IL17F: variants seen among roughly 807,000 people sequenced by gnomAD.
IL17F encodes the protein interleukin 17F.
Under a neutral mutation model 8.3 loss-of-function variants are expected in IL17F, and 6 were observed. The observed-to-expected ratio is 0.73, with a 90% confidence interval of 0.40 to 1.43. The LOEUF (loss-of-function observed/expected upper bound fraction) is 1.43, where lower values mean the gene tolerates loss of function less well. IL17F is among the 40% of genes most tolerant of loss of function. The pLI is 0.02. For synonymous variants in IL17F, 98 were observed against 81.6 expected (o/e 1.20, Z -1.08); for missense variants, 204 against 209.6 (o/e 0.97, Z 0.17).
intron 1 of IL17F, chr6:52,239,306 GA>G (rs1764027421): frequency 3.7e-6 from 1 of 269,740 alleles, no homozygotes; most frequent in Admixed American, 4.8e-5. Flanking sequence ...CACTTTATGA[GA>G]CTACTAATGA....
intron 1 of IL17F, among the ~76,000 whole-genome samples, chr6:52,240,373 G>A (rs979881485): frequency 2.0e-5 from 3 of 148,864 alleles, no homozygotes; most frequent in Admixed American, 1.4e-4. Flanking sequence ...GGAGGTGGAG[G>A]TTGCAGTGAG....
chr6:52,238,263 A>G (rs1764005413), intron 2 of IL17F, among the ~76,000 whole-genome samples: 1 of 152,200 alleles, frequency 6.6e-6, no homozygotes, highest in Non-Finnish European at 1.5e-5. Flanking sequence ...GCCAAATTAC[A>G]AGACTGTACC....
At chr6:52,238,370 C>T (rs1764007455) in intron 2 of IL17F, among the ~76,000 whole-genome samples, 1 of 152,242 alleles carries the variant, frequency 6.6e-6, no homozygotes, top group African/African-American at 2.4e-5. Context: ...GAGTGAATCT[C>T]CTTAAACCGA....
intron 1 of IL17F, among the ~76,000 whole-genome samples, chr6:52,243,916 C>T (rs1764114448): frequency 6.6e-6 from 1 of 152,330 alleles, no homozygotes; most frequent in African/African-American, 2.4e-5. Flanking sequence ...GCAACTGACC[C>T]ATGCCCAGCT....
At chr6:52,241,391 T>A (rs1205156267) in intron 1 of IL17F, among the ~76,000 whole-genome samples, 1 of 152,116 alleles carries the variant, frequency 6.6e-6, no homozygotes, top group East Asian at 1.9e-4. Context: ...TATGACTTTT[T>A]TTTTAAAAGA....
intron 2 of IL17F, 37 bp from the exon 3 acceptor site, chr6:52,237,205 AT>A: frequency 6.6e-7 from 1 of 1,512,882 alleles, no homozygotes; most frequent in Non-Finnish European, 9.2e-7. Flanking sequence ...ATGGTGAGGC[AT>A]GGGGGAGGAA....
chr6:52,244,321 C>T (rs572076995), intron 1 of IL17F, 76 bp downstream of exon 1: 1 of 1,410,384 alleles, frequency 7.1e-7, no homozygotes, highest in African/African-American at 1.4e-5. Flanking sequence ...CCCAATCAAA[C>T]CTAATTCCTT....
At chr6:52,242,710 T>G (rs893413675) in intron 1 of IL17F, among the ~76,000 whole-genome samples, 1 of 152,244 alleles carries the variant, frequency 6.6e-6, no homozygotes, top group Non-Finnish European at 1.5e-5. Flanking sequence ...TAATTGAGCT[T>G]TTGTTCATCT....
chr6:52,244,856 C>T (rs532487743), upstream of IL17F, among the ~76,000 whole-genome samples: 9 of 152,296 alleles, frequency 5.9e-5, no homozygotes, highest in South Asian at 1.0e-3. Flanking sequence ...TTTCCAGTCA[C>T]GCAATATGAA....
At chr6:52,238,659 T>C (rs1764010996) in intron 2 of IL17F, 71 bp downstream of exon 2, 3 of 1,301,244 alleles carry the variant, frequency 2.3e-6, no homozygotes, top group Non-Finnish European at 3.3e-6. Flanking sequence ...TTCTACATTT[T>C]CTACTTTATG....
Position 52,237,153 on chromosome 6 carries a change from G to A in IL17F, c.270C>T (p.Pro90=), listed in dbSNP as rs746645424. 1.7e-5 allele frequency: 27 copies of A among 1,613,884 alleles called. No individual in the cohort carries two copies. Among genetic ancestry groups the A allele is most frequent in the Non-Finnish European group, 2.2e-5 (26 of 1,179,898 alleles). The change falls in exon 3 of 3, where the codon CCC becomes CCT. Residue 90 remains proline, a synonymous_variant. Coordinates refer to ENST00000336123, the MANE Select transcript of IL17F (RefSeq NM_052872.4). Reference sequence around the variant, plus strand: ...GTACAACTTCCGAGGGGTACCGGTTGGGGTCCCAAGTGACACTGCAGGAGG... The same window carrying A: ...GTACAACTTCCGAGGGGTACCGGTTAGGGTCCCAAGTGACACTGCAGGAGG... The part of the protein sequence containing the change: ...SPWNYTVTWD[P]NRYPSEVVQA...
In IL17F at chr6:52,244,457, G is replaced by GCT; in HGVS notation, c.-29_-28insAG. The GCT allele has an allele frequency of 1.9e-6, 3 of 1,612,792 alleles. No individual in the cohort carries two copies. In the Admixed American group the frequency reaches 5.0e-5, roughly 27 times the overall value. ...TGCGCTGGTGGCTTACTTTGTGCAGGAAGCTCTTTCTGTGAATGTATCTTC... is the reference window on the plus strand; with the variant it reads ...TGCGCTGGTGGCTTACTTTGTGCAGGCTAAGCTCTTTCTGTGAATGTATCTTC... On this transcript the variant is annotated 5_prime_UTR_variant, in exon 1 of 3. Coordinates refer to ENST00000336123, the MANE Select transcript of IL17F (RefSeq NM_052872.4).
rs1763966543 is a variant in IL17F, at chr6:52,236,745, A to C, written c.*186T>G. ...ATATTAATTTTTCTCCTAACATTTT[A>C]GATATCAAATATAAAGTGTAGTACA... On this transcript the variant is annotated 3_prime_UTR_variant, in exon 3 of 3. Coordinates refer to ENST00000336123, the MANE Select transcript of IL17F (RefSeq NM_052872.4). 1 of 616,554 alleles carries C rather than the reference A, an allele frequency of 1.6e-6. No individual in the cohort carries two copies. The highest frequency in any genetic ancestry group is 2.9e-6 in the Non-Finnish European group (1 of 345,300). The allele number at this position is 616,554 out of a possible 1,614,324, so 38.2% of individuals were successfully genotyped here. A position where few individuals can be genotyped will look rare whatever the true frequency, so the allele number is the denominator to read the frequency against.
intron 1 of IL17F, among the ~76,000 whole-genome samples, chr6:52,242,584 A>T (rs753431380): frequency 6.6e-6 from 1 of 152,248 alleles, no homozygotes; most frequent in Non-Finnish European, 1.5e-5. Flanking sequence ...ATGGCTTTAA[A>T]TTCACAAATC....
chr6:52,238,988 G>A lies in IL17F; in HGVS notation c.34-38C>T, dbSNP rs557595691. The A allele has an allele frequency of 5.1e-5, 79 of 1,556,594 alleles. 1 individual carries two copies. In the South Asian group the frequency reaches 7.6e-4, roughly 15 times the overall value. On this transcript the variant is annotated intron_variant, in intron 1 of 2. Transcript: ENST00000336123. ...AGACGCTGCAATCAGTTAGAGACTCGCCTCACCTACTAGCAAGAGATGCAT... is the reference window on the plus strand; with the variant it reads ...AGACGCTGCAATCAGTTAGAGACTCACCTCACCTACTAGCAAGAGATGCAT...
At chr6:52,244,984 T>A (rs1214958976), upstream of IL17F, among the ~76,000 whole-genome samples, 1 of 152,178 alleles carries the variant, frequency 6.6e-6, no homozygotes, top group Admixed American at 6.5e-5. Flanking sequence ...AAGTGAAAAA[T>A]TCAGAAATGA....
intron 2 of IL17F, among the ~76,000 whole-genome samples, chr6:52,238,416 A>G (rs1764008037): frequency 6.6e-6 from 1 of 152,256 alleles, no homozygotes; most frequent in East Asian, 1.9e-4. Context: ...TGAGGAGATA[A>G]TTATGCAATC....
intron 1 of IL17F, among the ~76,000 whole-genome samples, chr6:52,240,690 A>G (rs975611164): frequency 1.3e-5 from 2 of 152,308 alleles, no homozygotes; most frequent in African/African-American, 4.8e-5. Context: ...AGATTGACCC[A>G]GAAGAGTCAG....
chr6:52,244,620 T>A, upstream of IL17F: 1 of 614,446 alleles, frequency 1.6e-6, no homozygotes, highest in East Asian at 2.8e-5. Flanking sequence ...GTTTTTTTTT[T>A]TATTCCATTT....
Sources: allele counts gnomAD v4.1 joint callset (sites outside exome capture counted in the v4.1 genomes callset), GRCh38; gene constraint gnomAD v4.1.1; transcripts MANE v1.5; gene names NCBI Gene and HGNC (gene_info 2026-07-23, HGNC 2026-07-21).